The following MEGF11 variants were observed in gnomAD, a reference collection of about 807,000 sequenced individuals.
The protein encoded by MEGF11 is multiple EGF like domains 11, also known as multiple epidermal growth factor-like domains protein 11.
A neutral mutation model predicts 146.6 loss-of-function variants in MEGF11; 126 were observed. The observed-to-expected ratio is 0.86, with a 90% CI of 0.74 to 1.00. The LOEUF is 1.00. MEGF11 is among the 50% of genes least tolerant of loss of function. MEGF11 has a pLI of 0.00. For synonymous variants in MEGF11, 532 were observed against 583.4 expected (o/e 0.91, Z 1.27); for missense variants, 1,509 against 1,521.2 (o/e 0.99, Z 0.13).
rs558351546 is a variant in MEGF11 at position 66,159,822 on chromosome 15, C to T, written c.-8-31411G>A. Among the ~76,000 whole-genome samples the T allele has an allele frequency of 5.9e-5, 9 of 151,924 alleles. No homozygotes were observed. The East Asian group carries it at 1.4e-3, about 23-fold the overall frequency. ...GGACCTCACACCTGGGCTGGATTCT[C>T]GAAGGGTTAATTGAGGGAGACCAGT... On this transcript the variant is annotated intron_variant, in intron 1 of 25. Coordinates refer to ENST00000395614, the MANE Select transcript of MEGF11 (RefSeq NM_001385028.1).
intron 5 of MEGF11, among the ~76,000 whole-genome samples, chr15:66,038,841 G>A (rs941542321): frequency 1.3e-5 from 2 of 152,186 alleles, no homozygotes; most frequent in Admixed American, 6.5e-5. Flanking sequence ...CATCTGTGCC[G>A]AGCAGCACCT....
chr15:66,082,615 A>G (rs1030650821), intron 5 of MEGF11, among the ~76,000 whole-genome samples: 1 of 130,080 alleles, frequency 7.7e-6, no homozygotes, highest in African/African-American at 2.9e-5. Flanking sequence ...GGTTGCAGTG[A>G]GCCAAGATCG....
intron 5 of MEGF11, among the ~76,000 whole-genome samples, chr15:66,042,534 A>G (rs921866648): frequency 2.0e-5 from 3 of 152,036 alleles, no homozygotes; most frequent in Admixed American, 2.0e-4. Flanking sequence ...GGGGGAACAT[A>G]TCAGTTTCCC....
At chr15:66,010,188 A>T (rs1198009100) in intron 5 of MEGF11, among the ~76,000 whole-genome samples, 1 of 127,022 alleles carries the variant, frequency 7.9e-6, no homozygotes, top group Non-Finnish European at 1.6e-5. Context: ...AGTGCAAAAA[A>T]ACTCATAATT....
intron 5 of MEGF11, among the ~76,000 whole-genome samples, chr15:66,045,127 C>T (rs555613674): frequency 6.6e-6 from 1 of 152,196 alleles, no homozygotes; most frequent in Non-Finnish European, 1.5e-5. Context: ...ATCGCTCATA[C>T]AAAATCTATT....
intron 1 of MEGF11, among the ~76,000 whole-genome samples, chr15:66,204,362 G>T (rs904331709): frequency 2.6e-5 from 4 of 152,064 alleles, no homozygotes; most frequent in Admixed American, 6.6e-5. Context: ...CCGAGATTGT[G>T]CCACTGTACT....
In MEGF11 at chr15:65,916,223, T is replaced by G. The variant is rs2078993674; in HGVS notation, c.2269A>C (p.Asn757His). The change falls in exon 18 of 26, where the codon AAT (asparagine) becomes CAT (histidine). Residue 757 changes from asparagine (N) to histidine (H), a missense_variant. Coordinates refer to ENST00000395614, the MANE Select transcript of MEGF11 (RefSeq NM_001385028.1). ...KDCGRVCQCQ[N>H]GASCDHISGK... ...CTGATGTGGTCACAGCTGGCGCCAT[T>G]CTGACACTGGCATACGCGCCCACAG... The G allele has an allele frequency of 6.4e-7, 1 of 1,569,240 alleles. No individual in the cohort carries two copies. Among genetic ancestry groups the G allele is most frequent in the Admixed American group, 1.9e-5 (1 of 53,168 alleles).
chr15:66,206,717 A>G (rs1399728901), intron 1 of MEGF11, among the ~76,000 whole-genome samples: 1 of 151,908 alleles, frequency 6.6e-6, no homozygotes, highest in Non-Finnish European at 1.5e-5. Flanking sequence ...TGGGCAACAT[A>G]GTGAAACCCC....
intron 1 of MEGF11, among the ~76,000 whole-genome samples, chr15:66,175,052 C>A (rs561973654): frequency 1.3e-5 from 2 of 152,162 alleles, no homozygotes; most frequent in South Asian, 2.1e-4. Context: ...GATTTTGTAT[C>A]CTGCCAATTT....
intron 1 of MEGF11, among the ~76,000 whole-genome samples, chr15:66,138,721 C>T (rs1349116316): frequency 6.6e-6 from 1 of 152,166 alleles, no homozygotes; most frequent in Non-Finnish European, 1.5e-5. Context: ...ACCTCCCGGG[C>T]TCCCAGCTTC....
rs1169589606 is a variant in MEGF11 at position 66,141,289 on chromosome 15, T to TGAGA, written c.-8-12882_-8-12879dup. 5.6e-3 allele frequency among the ~76,000 whole-genome samples: 562 copies of TGAGA among 101,126 alleles called. 66 individuals are homozygous for TGAGA. Among genetic ancestry groups the TGAGA allele is most frequent in the Middle Eastern group, 0.026 (5 of 190 alleles). The allele number at this position is 101,126 out of a possible 152,430, so 66.3% of individuals were successfully genotyped here. On this transcript the variant is annotated intron_variant, in intron 1 of 25. Transcript: ENST00000395614. The stretch of plus-strand genomic sequence containing the variant: ...GTGTGTGTGTGTGTGTGTGTGTGTG[T>TGAGA]GAGAGAGAGAGAGAGAGAGACAGGG...
intron 7 of MEGF11, among the ~76,000 whole-genome samples, chr15:65,971,673 A>T (rs909694599): frequency 6.6e-6 from 1 of 152,162 alleles, no homozygotes; most frequent in African/African-American, 2.4e-5. Flanking sequence ...AAAGATATTG[A>T]TAGTTGAGGG....
At chr15:66,203,357 T>C (rs1327119012) in intron 1 of MEGF11, among the ~76,000 whole-genome samples, 2 of 152,236 alleles carry the variant, frequency 1.3e-5, no homozygotes, top group African/African-American at 2.4e-5. Context: ...CACCCACCAC[T>C]CTGGCTTCTC....
rs780966405 is a variant in MEGF11 at position 66,123,921 on chromosome 15, A to G, written c.178T>C (p.Trp60Arg). The G allele has an allele frequency of 6.2e-7, 1 of 1,613,936 alleles. No individual in the cohort carries two copies. The highest frequency in any genetic ancestry group is 8.5e-7 in the Non-Finnish European group (1 of 1,179,820). Residue 60 changes from tryptophan to arginine, a missense_variant, in exon 3 of 26, where the codon TGG becomes CGG. Coordinates refer to ENST00000395614, the MANE Select transcript of MEGF11 (RefSeq NM_001385028.1). ...CACCGGTGCCTGGTGCACTTGAACC[A>G]GTTGAGGATGTCTGTGCATCGTGTG... Reference protein sequence around the residue: ...YYTRCTDILNWFKCTRHRISY... With the variant: ...YYTRCTDILNRFKCTRHRISY...
chr15:66,002,976 CTTTCT>C (rs1170021964), intron 5 of MEGF11, among the ~76,000 whole-genome samples: 4 of 15,466 alleles, frequency 2.6e-4, no homozygotes, highest in Non-Finnish European at 8.2e-4. Flanking sequence ...AGGGCTGTTT[CTTTCT>C]TTTCTTTCTT....
At chr15:66,113,540 C>A (rs1391790623) in intron 4 of MEGF11, among the ~76,000 whole-genome samples, 1 of 152,188 alleles carries the variant, frequency 6.6e-6, no homozygotes, top group East Asian at 1.9e-4. Flanking sequence ...CTGCCGCCCG[C>A]AGCAGAAGCC....
chr15:66,112,902 A>C (rs2140873455), intron 4 of MEGF11, among the ~76,000 whole-genome samples: 1 of 152,332 alleles, frequency 6.6e-6, no homozygotes, highest in African/African-American at 2.4e-5. Context: ...CCCTGAAAGA[A>C]CTAAAGAACT....
chr15:66,055,227 T>A (rs1245821064), intron 5 of MEGF11, among the ~76,000 whole-genome samples: 1 of 152,242 alleles, frequency 6.6e-6, no homozygotes, highest in Non-Finnish European at 1.5e-5. Context: ...TTAGATTATT[T>A]TACGAGATGT....
At chr15:65,914,187 GTGA>G in intron 19 of MEGF11, 1 of 576,240 alleles carries the variant, frequency 1.7e-6, no homozygotes, top group South Asian at 2.3e-5. Context: ...AGGAGCAATT[GTGA>G]CTGTCGATGT....
Sources: gnomAD v4.1 joint callset for allele counts (sites outside exome capture counted in the v4.1 genomes callset) on GRCh38, gnomAD v4.1.1 for gene constraint, MANE v1.5 for transcripts, NCBI Gene and HGNC (gene_info 2026-07-23, HGNC 2026-07-21) for gene names.